The following SV2A variants were observed in gnomAD, a reference collection of about 807,000 sequenced individuals.
The protein encoded by SV2A is synaptic vesicle glycoprotein 2A.
SV2A carries 25 observed loss-of-function variants against 78.0 expected under a neutral mutation model. The observed-to-expected ratio is 0.32, with a 90% CI of 0.23 to 0.45. The LOEUF (loss-of-function observed/expected upper bound fraction) is 0.45, where lower values mean the gene tolerates loss of function less well. SV2A is among the 20% of genes least tolerant of loss of function. The pLI, the probability that SV2A is intolerant of heterozygous loss-of-function variation, is 1.00. For synonymous variants in SV2A, 355 were observed against 384.7 expected (o/e 0.92, Z 0.90); for missense variants, 752 against 971.5 (o/e 0.77, Z 3.00).
chr1:149,910,268 G>C lies in SV2A; in HGVS notation c.1089+302C>G, dbSNP rs587754212. 6.6e-5 allele frequency among the ~76,000 whole-genome samples: 10 copies of C among 152,308 alleles called. No homozygotes were observed. In the East Asian group the frequency reaches 1.4e-3, roughly 21 times the overall value. ...CTGGGGTTAGGAGGGGAAGGTATAG[G>C]GGGTGGGAATGTCTCTTGAGCTGTA... On this transcript the variant is annotated intron_variant, in intron 5 of 12. Transcript: ENST00000369146. The surrounding 1 kb of genome is among the most constrained non-coding windows in gnomAD (Gnocchi z 4.2).
chr1:149,909,284 C>T lies in SV2A; in HGVS notation c.1291-4G>A. 6.2e-7 allele frequency: 1 copy of T among 1,613,992 alleles called. No individual in the cohort carries two copies. The highest frequency in any genetic ancestry group is 1.1e-5 in the South Asian group (1 of 91,072). On this transcript the variant is annotated splice_region_variant and splice_polypyrimidine_tract_variant and intron_variant, in intron 7 of 12. Coordinates refer to ENST00000369146, the MANE Select transcript of SV2A (RefSeq NM_014849.5). Reference sequence around the variant, plus strand: ...AGGAGAGAAAATTCCCCCAAACCTACAGGGGACCAGACAAAGTCAGACCTT... The same window carrying T: ...AGGAGAGAAAATTCCCCCAAACCTATAGGGGACCAGACAAAGTCAGACCTT...
At position 149,913,385 on chromosome 1, in the gene SV2A, A is replaced by T; in HGVS notation, c.456T>A (p.Tyr152Ter). 1 of 1,614,098 alleles carries T rather than the reference A, an allele frequency of 6.2e-7. No homozygotes were observed. The highest frequency in any genetic ancestry group is 8.5e-7 in the Non-Finnish European group (1 of 1,180,014). ...GGCCACACTCCCGTAGGATGGCTTC[A>T]TACTGTTGGGCCAGTTCTTCTCGTT... Reference protein sequence around the residue: ...RKEREELAQQYEAILRECGHG... With the variant: ...RKEREELAQQ The change falls in exon 2 of 13, where the codon TAT (tyrosine) becomes TAA (stop). Residue 152 changes from tyrosine to a stop codon, truncating the protein, a stop_gained. Coordinates refer to ENST00000369146, the MANE Select transcript of SV2A (RefSeq NM_014849.5). LOFTEE classifies it high-confidence loss of function.
At position 149,913,804 on chromosome 1, in the gene SV2A, G is replaced by A. The variant is rs781957523; in HGVS notation, c.37C>T (p.Arg13Cys). The A allele has an allele frequency of 2.5e-5, 40 of 1,612,236 alleles. 1 individual carries two copies. Among genetic ancestry groups the A allele is most frequent in the South Asian group, 6.6e-5 (6 of 91,054 alleles). The change falls in exon 2 of 13, where the codon CGT becomes TGT. Residue 13 changes from arginine (R) to cysteine (C), a missense_variant. This residue lies in a region of SV2A where 291 missense variants were observed against 359.5 expected (regional missense o/e 0.81). Transcript: ENST00000369146. ...EGFRDRAAFI[R>C]GAKDIAKEVK... Reference sequence around the variant, plus strand: ...TCCTTAGCAATGTCTTTGGCCCCACGGATGAAAGCTGCCCGGTCTCGGAAG... The same window carrying A: ...TCCTTAGCAATGTCTTTGGCCCCACAGATGAAAGCTGCCCGGTCTCGGAAG...
At chr1:149,912,386 TG>T (rs2092481247) in intron 2 of SV2A, among the ~76,000 whole-genome samples, 1 of 152,110 alleles carries the variant, frequency 6.6e-6, no homozygotes, top group Non-Finnish European at 1.5e-5. Flanking sequence ...CATTTGTTCC[TG>T]GGGAAAGGGG....
chr1:149,909,687 T>C, intron 6 of SV2A, 114 bp downstream of exon 6: 2 of 1,448,432 alleles, frequency 1.4e-6, no homozygotes, highest in Non-Finnish European at 1.9e-6. Flanking sequence ...TATGATACCC[T>C]GAAAATCTCC....
In SV2A at chr1:149,913,204, C is replaced by A. The variant is rs2101624381; in HGVS notation, c.622+15G>T. 6.2e-7 allele frequency: 1 copy of A among 1,609,016 alleles called. No homozygotes were observed. The highest frequency in any genetic ancestry group is 1.3e-5 in the African/African-American group (1 of 74,900). ...AGAGTTTGAGGGGATAAGGCTGGAG[C>A]CCCCCATGTCTTACCTAGCATGCCT... is the stretch of plus-strand genomic sequence containing the variant. On this transcript the variant is annotated intron_variant, in intron 2 of 12. Transcript: ENST00000369146.
chr1:149,912,400 C>T (rs1302449482), intron 2 of SV2A, among the ~76,000 whole-genome samples: 1 of 152,102 alleles, frequency 6.6e-6, no homozygotes, highest in African/African-American at 2.4e-5. Context: ...GAAAGGGGCT[C>T]CAATTCATTT....
At chr1:149,906,611 G>A (rs2092439682) in intron 11 of SV2A, 39 bp downstream of exon 11, 1 of 1,607,502 alleles carries the variant, frequency 6.2e-7, no homozygotes, top group African/African-American at 1.3e-5. Context: ...GCAGCCCCTG[G>A]CCCCTACTAT....
chr1:149,912,024 C>T (rs782017230), intron 2 of SV2A, 44 bp from the exon 3 acceptor site: 21 of 1,573,628 alleles, frequency 1.3e-5, no homozygotes, highest in African/African-American at 4.1e-5. Flanking sequence ...TGAGCAGACA[C>T]ACCTTAATTC....
rs1187262271 is a variant in SV2A, at chr1:149,906,148, TC to T, written c.1886-110del. The T allele has an allele frequency of 2.0e-5, 26 of 1,321,570 alleles. No homozygotes were observed. In the African/African-American group the frequency reaches 3.7e-4, roughly 19 times the overall value. The allele number at this position is 1,321,570 out of a possible 1,614,324, so 81.9% of individuals were successfully genotyped here. ...TCAGATAGCCCAGGATGAGACTTGT[TC>T]CGAAGGTATCCAACCAAGGTATCCA... On this transcript the variant is annotated intron_variant, in intron 11 of 12. Coordinates refer to ENST00000369146, the MANE Select transcript of SV2A (RefSeq NM_014849.5).
intron 12 of SV2A, 148 bp downstream of exon 12, chr1:149,905,732 C>A: frequency 8.8e-7 from 1 of 1,132,842 alleles, no homozygotes; most frequent in South Asian, 1.5e-5. Context: ...CATGAGTCAC[C>A]GTGCCCGGCC....
intron 10 of SV2A, among the ~76,000 whole-genome samples, chr1:149,907,149 G>C (rs781898435): frequency 1.3e-5 from 2 of 152,132 alleles, no homozygotes; most frequent in Non-Finnish European, 1.5e-5. Flanking sequence ...AAGCAGTAGC[G>C]ATGCCGTGGA....
intron 6 of SV2A, 94 bp downstream of exon 6, chr1:149,909,707 A>G: frequency 3.4e-6 from 5 of 1,469,658 alleles, no homozygotes; most frequent in Non-Finnish European, 4.8e-6. Context: ...CTTACGGTAG[A>G]GTGTGGTCTG....
At chr1:149,907,645 T>C in intron 10 of SV2A, 55 bp downstream of exon 10, 1 of 1,574,672 alleles carries the variant, frequency 6.4e-7, no homozygotes. Context: ...AGGTTCCTTC[T>C]CATCAAGGTC....
At chr1:149,916,250 G>A (rs1350464959) in intron 1 of SV2A, among the ~76,000 whole-genome samples, 1 of 152,194 alleles carries the variant, frequency 6.6e-6, no homozygotes, top group Non-Finnish European at 1.5e-5. Flanking sequence ...AGAGGGGCAC[G>A]TAGGGCAGGG....
rs782175367 is a variant in SV2A at position 149,911,837 on chromosome 1, C to T, written c.766G>A (p.Gly256Ser). ...AFFSSFVQGY[G>S]TFLFCRLLSG... ...AGTAGGCGGCAGAAGAGGAAAGTGC[C>T]GTAACCCTGGACAAAAGATGAGAAG... Residue 256 changes from glycine to serine, a missense_variant, in exon 3 of 13, where the codon GGC (glycine) becomes AGC (serine). Physicochemically the swap from Gly to Ser is moderately conservative, Grantham distance 56. Around this residue, in one of 7 missense-constraint regions of SV2A, gnomAD observed 291 missense variants for 359.5 expected, o/e 0.81. Coordinates refer to ENST00000369146, the MANE Select transcript of SV2A (RefSeq NM_014849.5). 1.9e-6 allele frequency: 3 copies of T among 1,613,914 alleles called. No homozygotes were observed. Among genetic ancestry groups the T allele is most frequent in the Non-Finnish European group, 2.5e-6 (3 of 1,180,014 alleles).
chr1:149,911,244 T>G (rs1553763734), intron 3 of SV2A, among the ~76,000 whole-genome samples: 2 of 152,000 alleles, frequency 1.3e-5, no homozygotes, highest in Non-Finnish European at 2.9e-5. Context: ...GGCGGGAAAG[T>G]AATTGCAGAA....
intron 10 of SV2A, 155 bp from the exon 11 acceptor site, chr1:149,907,011 C>T (rs1553762878): frequency 1.4e-6 from 2 of 1,463,728 alleles, no homozygotes; most frequent in African/African-American, 1.4e-5. Context: ...AATAACATCA[C>T]CATGGGAACT....
intron 5 of SV2A, 91 bp from the exon 6 acceptor site, chr1:149,909,981 C>T: frequency 1.7e-6 from 2 of 1,211,240 alleles, no homozygotes; most frequent in Non-Finnish European, 2.4e-6. Context: ...CTTCTGTAGT[C>T]ACAGGACACT....
Sources: allele counts gnomAD v4.1 joint callset (sites outside exome capture counted in the v4.1 genomes callset), GRCh38; gene constraint gnomAD v4.1.1; regional missense constraint gnomAD v4.1.1; non-coding constraint Gnocchi (gnomAD v3.1); transcripts MANE v1.5; gene names NCBI Gene and HGNC (gene_info 2026-07-23, HGNC 2026-07-21).